MISP: variants seen among roughly 807,000 people sequenced by gnomAD.
MISP encodes mitotic interactor and substrate of PLK1.
MISP carries 51 observed loss-of-function variants against 49.3 expected under a neutral mutation model. The ratio of observed to expected loss-of-function variants is 1.03; its 90% CI spans 0.83 to 1.31. The LOEUF (loss-of-function observed/expected upper bound fraction) is 1.31. Ranked by LOEUF, MISP falls within the 50% of genes most tolerant of loss-of-function variation. The probability of loss-of-function intolerance (pLI) is 0.00; values close to 1 mark genes in which losing one functional copy is unlikely to be tolerated. For synonymous variants in MISP, 444 were observed against 392.6 expected (o/e 1.13, Z -1.55); for missense variants, 1,084 against 935.1 (o/e 1.16, Z -2.08).
Position 763,667 on chromosome 19 carries a change from C to A in MISP, c.*77C>A. On this transcript the variant is annotated 3_prime_UTR_variant, in exon 5 of 5. Transcript: ENST00000215582. ...TGCCAAGACCATCGCCAAGCCCCCA[C>A]CCTAGGAAATGGGTCCTAGGTCCAG... 9.3e-7 allele frequency: 1 copy of A among 1,072,226 alleles called. No individual in the cohort carries two copies. The highest frequency in any genetic ancestry group is 1.3e-5 in the South Asian group (1 of 76,348). The allele number at this position is 1,072,226 out of a possible 1,614,324, so 66.4% of individuals were successfully genotyped here.
At chr19:752,854 G>T (rs1275995215) in intron 1 of MISP, among the ~76,000 whole-genome samples, 1 of 152,226 alleles carries the variant, frequency 6.6e-6, no homozygotes, top group Non-Finnish European at 1.5e-5. Context: ...GCTCCAGGGT[G>T]CAGGGCGTGG....
upstream of MISP, among the ~76,000 whole-genome samples, chr19:749,093 G>A (rs1374817562): frequency 3.3e-5 from 5 of 152,148 alleles, no homozygotes; most frequent in Middle Eastern, 3.2e-3. Flanking sequence ...AGCTGAGATC[G>A]TGCCACTGCA....
Position 761,665 on chromosome 19 carries a change from T to G in MISP, c.1950+2T>G, listed in dbSNP as rs747912951. 16 of 1,613,982 alleles carry G rather than the reference T, an allele frequency of 9.9e-6. No individual in the cohort carries two copies. The highest frequency in any genetic ancestry group is 1.3e-5 in the Non-Finnish European group (15 of 1,179,968). The stretch of plus-strand genomic sequence containing the variant: ...CCCTCGGACGGTATCAACTCAGAGG[T>G]GAGTATGCTCCTGGGCACGAAGACT... On this transcript the variant is annotated splice_donor_variant, in intron 4 of 4. Coordinates refer to ENST00000215582, the MANE Select transcript of MISP (RefSeq NM_173481.4). LOFTEE classifies it high-confidence loss of function.
At chr19:752,392 C>T (rs375143330) in intron 1 of MISP, among the ~76,000 whole-genome samples, 56 of 152,192 alleles carry the variant, frequency 3.7e-4, no homozygotes, top group African/African-American at 1.2e-3. Flanking sequence ...GGCGTGGTGG[C>T]GGGCGCCTGT....
At chr19:755,083 G>C (rs939766213) in intron 1 of MISP, among the ~76,000 whole-genome samples, 1 of 152,142 alleles carries the variant, frequency 6.6e-6, no homozygotes, top group Non-Finnish European at 1.5e-5. Context: ...CTGGCTTGGG[G>C]TGGAGGTGCC....
In MISP at chr19:764,145, C is replaced by T. The variant is rs1167042140; in HGVS notation, c.*555C>T. ...GGGGGTCCCTGTGCAGCCCTCAAAC[C>T]CTTCACCTTGGTGCACCCAGCCACA... is the stretch of plus-strand genomic sequence containing the variant. On this transcript the variant is annotated 3_prime_UTR_variant, in exon 5 of 5. Coordinates refer to ENST00000215582, the MANE Select transcript of MISP (RefSeq NM_173481.4). 1.3e-5 allele frequency: 2 copies of T among 152,700 alleles called. No homozygotes were observed. 9.5% of individuals were successfully genotyped at this position (152,700 alleles called of 1,614,324 possible).
intron 1 of MISP, among the ~76,000 whole-genome samples, chr19:751,782 C>T (rs555973705): frequency 4.6e-5 from 7 of 152,284 alleles, no homozygotes; most frequent in African/African-American, 1.2e-4. Context: ...GGTGGAGCTC[C>T]GCCCAGGAGC....
chr19:761,706 C>CCA (rs2033675443), intron 4 of MISP, 43 bp downstream of exon 4: 1 of 1,610,076 alleles, frequency 6.2e-7, no homozygotes, highest in African/African-American at 1.3e-5. Context: ...CTTTCCCCCC[C>CCA]ACATCTGTGC....
chr19:754,467 AAAAG>A, intron 1 of MISP, among the ~76,000 whole-genome samples: 1 of 151,796 alleles, frequency 6.6e-6, no homozygotes, highest in Non-Finnish European at 1.5e-5. Context: ...CGCCTCAAAA[AAAAG>A]AAAAAATTAG....
intron 1 of MISP, among the ~76,000 whole-genome samples, chr19:751,924 G>T (rs1472025328): frequency 6.6e-6 from 1 of 152,174 alleles, no homozygotes; most frequent in Non-Finnish European, 1.5e-5. Flanking sequence ...CTCACATAGA[G>T]CCAACTGGCT....
chr19:752,310 G>A (rs578039752), intron 1 of MISP, among the ~76,000 whole-genome samples: 7 of 152,282 alleles, frequency 4.6e-5, no homozygotes, highest in South Asian at 4.1e-4. Context: ...CATGAGAGCC[G>A]CCGTGGATCC....
intron 1 of MISP, among the ~76,000 whole-genome samples, chr19:752,736 C>A (rs1246370993): frequency 6.8e-6 from 1 of 148,118 alleles, no homozygotes; most frequent in African/African-American, 2.5e-5. Context: ...GCTGGGCGGA[C>A]AGCTCCCTTT....
intron 3 of MISP, among the ~76,000 whole-genome samples, chr19:760,849 C>T (rs2033662302): frequency 6.6e-6 from 1 of 152,024 alleles, no homozygotes; most frequent in South Asian, 2.1e-4. Flanking sequence ...CCCTGGTGGT[C>T]TCACATGCCC....
upstream of MISP, among the ~76,000 whole-genome samples, chr19:750,041 C>G (rs564398697): frequency 6.6e-6 from 1 of 152,054 alleles, no homozygotes; most frequent in Non-Finnish European, 1.5e-5. Flanking sequence ...CCCAGTGGCC[C>G]GACTTCCCCA....
chr19:758,774 G>A (rs2033624367), intron 2 of MISP, 48 bp downstream of exon 2: 1 of 1,534,138 alleles, frequency 6.5e-7, no homozygotes, highest in East Asian at 2.3e-5. Flanking sequence ...GGTCTCAGAG[G>A]TTGGAGCAGG....
intron 2 of MISP, among the ~76,000 whole-genome samples, chr19:759,112 C>T (rs1443418327): frequency 1.3e-5 from 2 of 152,042 alleles, no homozygotes; most frequent in Admixed American, 6.6e-5. Flanking sequence ...TAACCTCCAC[C>T]TCCTGGGTTC....
Position 761,566 on chromosome 19 carries a change from C to G in MISP, c.1912-59C>G, listed in dbSNP as rs929577902. ...GAGAGGGCTGTGTGGGAGCTCTGGT[C>G]GGACTCTGCACCGGGCAGGGCAGAA... On this transcript the variant is annotated intron_variant, in intron 3 of 4. Transcript: ENST00000215582. 8 of 1,599,524 alleles carry G rather than the reference C, an allele frequency of 5.0e-6. No homozygotes were observed. In the African/African-American group the frequency reaches 1.1e-4, roughly 21 times the overall value.
chr19:760,296 A>C, intron 3 of MISP: 2 of 401,646 alleles, frequency 5.0e-6, no homozygotes, highest in South Asian at 3.4e-5. Flanking sequence ...AGGATCAAAG[A>C]CCAAAGGACC....
chr19:750,710 G>C (rs922983383), upstream of MISP, among the ~76,000 whole-genome samples: 1 of 152,198 alleles, frequency 6.6e-6, no homozygotes, highest in Non-Finnish European at 1.5e-5. Context: ...GTTGCCCCAA[G>C]GGGTGGGCTG....
Sources: allele counts gnomAD v4.1 joint callset (sites outside exome capture counted in the v4.1 genomes callset), GRCh38; gene constraint gnomAD v4.1.1; transcripts MANE v1.5; gene names NCBI Gene and HGNC (gene_info 2026-07-23, HGNC 2026-07-21).